Variants in RBPJ observed in about 807,000 individuals in gnomAD.
RBPJ encodes the protein recombining binding protein suppressor of hairless.
Under a neutral mutation model 67.8 loss-of-function variants are expected in RBPJ, and 9 were observed. The ratio of observed to expected loss-of-function variants is 0.13; its 90% CI spans 0.08 to 0.23. The LOEUF (loss-of-function observed/expected upper bound fraction) is 0.23. RBPJ is among the 10% of genes least tolerant of loss of function. The probability of loss-of-function intolerance (pLI) is 1.00; values close to 1 mark genes in which losing one functional copy is unlikely to be tolerated. For missense variants in RBPJ, 305 were observed against 595.6 expected (o/e 0.51, Z 5.08); for synonymous variants, 198 against 203.3 (o/e 0.97, Z 0.22).
At chr4:26,165,754 TG>T (rs1716257667) in intron 1 of RBPJ, among the ~76,000 whole-genome samples, 1 of 151,938 alleles carries the variant, frequency 6.6e-6, no homozygotes, top group Non-Finnish European at 1.5e-5. Context: ...TTAGGGTACA[TG>T]TGCACAATGT....
At chr4:26,116,440 C>G in the RBPJ span, among the ~76,000 whole-genome samples, 1 of 152,230 alleles carries the variant, frequency 6.6e-6, no homozygotes, top group Non-Finnish European at 1.5e-5. Flanking sequence ...CACACTATTT[C>G]TATCATTTTT....
At chr4:26,374,608 T>C (rs563641619) in intron 1 of RBPJ, among the ~76,000 whole-genome samples, 4 of 151,948 alleles carry the variant, frequency 2.6e-5, no homozygotes, top group Non-Finnish European at 5.9e-5. Context: ...CCCGAGTAGC[T>C]GGGACTACAG....
intron 1 of RBPJ, among the ~76,000 whole-genome samples, chr4:26,171,738 G>A (rs1716594351): frequency 6.6e-6 from 1 of 152,172 alleles, no homozygotes; most frequent in Admixed American, 6.5e-5. Context: ...GATTCGTAAA[G>A]CTCAGAGGGA....
At chr4:26,361,944 A>T (rs1468329478) in intron 1 of RBPJ, among the ~76,000 whole-genome samples, 2 of 152,204 alleles carry the variant, frequency 1.3e-5, no homozygotes, top group African/African-American at 4.8e-5. Flanking sequence ...TATGAATGCC[A>T]CTATAGAAGT....
At chr4:26,398,073 T>G (rs1732336892) in intron 2 of RBPJ, among the ~76,000 whole-genome samples, 1 of 41,308 alleles carries the variant, frequency 2.4e-5, no homozygotes, top group South Asian at 1.0e-3. Context: ...AGTGATATTG[T>G]GTGTGTGTGT....
chr4:26,131,603 A>G, the RBPJ span, among the ~76,000 whole-genome samples: 9 of 152,236 alleles, frequency 5.9e-5, no homozygotes, highest in African/African-American at 1.7e-4. Context: ...CTTTGCAGAT[A>G]TGATTAAAGT....
At chr4:26,327,039 A>G (rs1303658905) in intron 1 of RBPJ, among the ~76,000 whole-genome samples, 1 of 152,120 alleles carries the variant, frequency 6.6e-6, no homozygotes, top group Non-Finnish European at 1.5e-5. Flanking sequence ...CTGCTTGGGC[A>G]GCTGTAACAA....
chr4:26,201,483 T>G (rs1445258974), intron 1 of RBPJ, among the ~76,000 whole-genome samples: 1 of 152,222 alleles, frequency 6.6e-6, no homozygotes, highest in Admixed American at 6.5e-5. Flanking sequence ...GGTATCAGTG[T>G]GACTCCAAGG....
intron 1 of RBPJ, among the ~76,000 whole-genome samples, chr4:26,372,085 A>T (rs540489661): frequency 2.0e-5 from 3 of 152,278 alleles, no homozygotes; most frequent in Non-Finnish European, 4.4e-5. Context: ...ACATAAGGAG[A>T]TGTATTTTGT....
At chr4:26,170,446 T>A (rs542284476) in intron 1 of RBPJ, among the ~76,000 whole-genome samples, 1 of 150,052 alleles carries the variant, frequency 6.7e-6, no homozygotes, top group African/African-American at 2.5e-5. Flanking sequence ...GAGGCTGGGG[T>A]GGAAGGATCA....
chr4:26,407,883 C>CCTT (rs1733600907), intron 3 of RBPJ, among the ~76,000 whole-genome samples: 1 of 63,622 alleles, frequency 1.6e-5, no homozygotes, highest in African/African-American at 6.6e-5. Context: ...AGCTTTCTTT[C>CCTT]TTTTTTTTTT....
At chr4:26,315,245 A>G (rs116690649), upstream of RBPJ, among the ~76,000 whole-genome samples, 3,245 of 146,016 alleles carry the variant, frequency 0.022, 112 homozygotes, top group African/African-American at 0.069. Context: ...TGAAATTTCA[A>G]TGTAAGTTCT....
At chr4:26,205,923 C>A (rs1160477474) in intron 1 of RBPJ, among the ~76,000 whole-genome samples, 1 of 152,020 alleles carries the variant, frequency 6.6e-6, no homozygotes, top group Non-Finnish European at 1.5e-5. Flanking sequence ...AAAAAAACTT[C>A]TAAATGAAAC....
At chr4:26,378,863 CAAA>C (rs1237168624) in intron 1 of RBPJ, among the ~76,000 whole-genome samples, 2 of 151,838 alleles carry the variant, frequency 1.3e-5, no homozygotes, top group Non-Finnish European at 2.9e-5. Flanking sequence ...CCTATCTCTA[CAAA>C]AATACAAAAA....
chr4:26,406,112 AATG>A (rs1733379210), intron 2 of RBPJ, 60 bp from the exon 3 acceptor site: 1 of 1,047,880 alleles, frequency 9.5e-7, no homozygotes, highest in Non-Finnish European at 1.5e-6. Flanking sequence ...AGAGCGTAGT[AATG>A]ATGAAAGATT....
At chr4:26,296,897 ATG>A (rs1257484053) in intron 1 of RBPJ, among the ~76,000 whole-genome samples, 1 of 152,156 alleles carries the variant, frequency 6.6e-6, no homozygotes, top group Non-Finnish European at 1.5e-5. Context: ...AAATGTTAAG[ATG>A]TGTTCTGTGG....
chr4:26,290,030 T>C (rs1440616050), intron 1 of RBPJ, among the ~76,000 whole-genome samples: 1 of 150,114 alleles, frequency 6.7e-6, no homozygotes, highest in African/African-American at 2.5e-5. Context: ...TAAAGAAAAA[T>C]ATAAAATAAA....
At chr4:26,415,413 T>C in intron 3 of RBPJ, 62 bp from the exon 4 acceptor site, 4 of 1,288,464 alleles carry the variant, frequency 3.1e-6, no homozygotes, top group Non-Finnish European at 4.3e-6. Context: ...GGAAAGGAAA[T>C]GCTTTATTGA....
At chr4:26,119,744 C>T in the RBPJ span, among the ~76,000 whole-genome samples, 2 of 152,216 alleles carry the variant, frequency 1.3e-5, no homozygotes. Context: ...TTCTATATTA[C>T]AGTGGCATTA....
Sources: allele counts gnomAD v4.1 joint callset (sites outside exome capture counted in the v4.1 genomes callset), GRCh38; gene constraint gnomAD v4.1.1; transcripts MANE v1.5; gene names NCBI Gene and HGNC (gene_info 2026-07-23, HGNC 2026-07-21).